Variants in IGFL4 observed in about 807,000 individuals in gnomAD.
IGFL4 encodes insulin growth factor-like family member 4.
In IGFL4, 12 loss-of-function variants were observed where a neutral mutation model predicts 15.4. The observed-to-expected ratio is 0.78, with a 90% CI of 0.50 to 1.26. The LOEUF is 1.26. Ranked by LOEUF, IGFL4 falls within the 50% of genes most tolerant of loss-of-function variation. IGFL4 has a pLI of 0.00. For missense variants in IGFL4, 126 were observed against 147.8 expected (o/e 0.85, Z 0.76); for synonymous variants, 54 against 55.9 (o/e 0.97, Z 0.16).
chr19:46,051,817 A>G (rs2146516365), intron 2 of IGFL4, among the ~76,000 whole-genome samples: 1 of 152,274 alleles, frequency 6.6e-6, no homozygotes, highest in East Asian at 1.9e-4. Context: ...TGGACACCAA[A>G]AGGGAGCAGG....
intron 1 of IGFL4, among the ~76,000 whole-genome samples, chr19:46,073,531 T>G (rs2146531289): frequency 6.6e-6 from 1 of 152,250 alleles, no homozygotes; most frequent in South Asian, 2.1e-4. Context: ...AGGCCCTCTG[T>G]GTGATGGATG....
At chr19:46,043,569 A>G (rs1250823962), upstream of IGFL4, among the ~76,000 whole-genome samples, 2 of 152,242 alleles carry the variant, frequency 1.3e-5, no homozygotes, top group Non-Finnish European at 2.9e-5. Flanking sequence ...TAATGAAGAC[A>G]GTATAGTATT....
At chr19:46,047,886 G>T (rs549744068) in intron 2 of IGFL4, among the ~76,000 whole-genome samples, 2 of 152,306 alleles carry the variant, frequency 1.3e-5, no homozygotes, top group Admixed American at 1.3e-4. Context: ...CCAAAAAATT[G>T]AAAGTGAGGG....
At chr19:46,065,923 G>C (rs543315067) in intron 1 of IGFL4, among the ~76,000 whole-genome samples, 79 of 152,202 alleles carry the variant, frequency 5.2e-4, no homozygotes, top group Non-Finnish European at 1.0e-3. Flanking sequence ...AAAATCCTGG[G>C]AGCAGGCAGA....
chr19:46,041,156 C>T (rs1969239501), upstream of IGFL4: 1 of 571,392 alleles, frequency 1.8e-6, no homozygotes, highest in Non-Finnish European at 3.0e-6. Context: ...TGAGATGCTT[C>T]TGGACCTGTT....
chr19:46,043,767 C>G (rs926871269), upstream of IGFL4, among the ~76,000 whole-genome samples: 1 of 152,006 alleles, frequency 6.6e-6, no homozygotes, highest in Non-Finnish European at 1.5e-5. Context: ...CCAAAGCTTA[C>G]ACTTCCTACA....
intron 2 of IGFL4, among the ~76,000 whole-genome samples, chr19:46,047,054 C>G (rs1969303562): frequency 6.6e-6 from 1 of 152,220 alleles, no homozygotes; most frequent in African/African-American, 2.4e-5. Flanking sequence ...CAAACAGTCT[C>G]TCAGACCACA....
chr19:46,060,872 A>G (rs186574502), intron 1 of IGFL4, among the ~76,000 whole-genome samples: 41 of 152,322 alleles, frequency 2.7e-4, no homozygotes, highest in Admixed American at 1.0e-3. Flanking sequence ...TTAATGTTAA[A>G]CCTAATTCTT....
intron 1 of IGFL4, among the ~76,000 whole-genome samples, chr19:46,068,108 G>T (rs1969512103): frequency 1.3e-5 from 2 of 152,220 alleles, no homozygotes; most frequent in African/African-American, 4.8e-5. Flanking sequence ...CAATAACTGG[G>T]TCCTCCCAAG....
In IGFL4 at chr19:46,040,906, T is replaced by C. The variant is rs915678842; in HGVS notation, c.19+38A>G. The C allele has an allele frequency of 6.4e-7, 1 of 1,559,014 alleles. No homozygotes were observed. Among genetic ancestry groups the C allele is most frequent in the Non-Finnish European group, 8.7e-7 (1 of 1,143,790 alleles). ...AGAAATAATTAGGGATGTGATATCA[T>C]TAGGGATTAGCTTAGCCTAGGGCTG... On this transcript the variant is annotated intron_variant, in intron 1 of 3. Coordinates refer to ENST00000377697, the MANE Select transcript of IGFL4 (RefSeq NM_001002923.3). The surrounding 1 kb of genome is among the most constrained non-coding windows in gnomAD (Gnocchi z 4.1).
Position 46,077,038 on chromosome 19 carries a change from G to A in IGFL4, c.-450C>T, listed in dbSNP as rs1303176973. The A allele has an allele frequency of 1.3e-5, 2 of 152,236 alleles. No individual in the cohort carries two copies. Among genetic ancestry groups the A allele is most frequent in the Non-Finnish European group, 2.9e-5 (2 of 68,046 alleles). 9.4% of individuals were successfully genotyped at this position (152,236 alleles called of 1,614,324 possible). ...CTCTCACCTGAGCATCCCTCGATGA[G>A]GGCTGTTGCGTCTTGATTTCATCTG... On this transcript the variant is annotated 5_prime_UTR_variant, in exon 1 of 6. Transcript: ENST00000601672. The surrounding 1 kb of genome is among the most constrained non-coding windows in gnomAD (Gnocchi z 5.4).
At chr19:46,046,489 T>C (rs1023014369) in intron 2 of IGFL4, among the ~76,000 whole-genome samples, 1 of 152,200 alleles carries the variant, frequency 6.6e-6, no homozygotes. Context: ...CCAAGACCCA[T>C]TGATATACTG....
rs1440833680 is a variant in IGFL4 at position 46,040,028 on chromosome 19, T to G, written c.331-92A>C. 2 of 1,500,758 alleles carry G rather than the reference T, an allele frequency of 1.3e-6. No individual in the cohort carries two copies. The highest frequency in any genetic ancestry group is 4.5e-5 in the East Asian group (2 of 44,256). 93.0% of individuals were successfully genotyped at this position (1,500,758 alleles called of 1,614,324 possible). A position where few individuals can be genotyped will look rare whatever the true frequency, so the allele number is the denominator to read the frequency against. On this transcript the variant is annotated intron_variant, in intron 3 of 3. Transcript: ENST00000377697. This position sits in a 1 kb window ranked among gnomAD's most constrained non-coding sequence, Gnocchi z 4.1. ...AACAGAGACATGGAGAAAGACAGAG[T>G]TGCATGGTTACTGAGAGATGGGAAG...
intron 1 of IGFL4, among the ~76,000 whole-genome samples, chr19:46,069,598 C>T (rs980137525): frequency 6.6e-6 from 1 of 152,150 alleles, no homozygotes; most frequent in African/African-American, 2.4e-5. Context: ...CCTTGAAGCC[C>T]TAAAAGCCCA....
chr19:46,055,222 A>G (rs1411503844), intron 2 of IGFL4, among the ~76,000 whole-genome samples: 3 of 152,114 alleles, frequency 2.0e-5, no homozygotes, highest in Admixed American at 2.0e-4. Flanking sequence ...ATAACAGCAG[A>G]TTTGTTCTCA....
At position 46,040,260 on chromosome 19, in the gene IGFL4, C is replaced by T; in HGVS notation, c.227G>A (p.Cys76Tyr). 6.2e-7 allele frequency: 1 copy of T among 1,614,198 alleles called. No homozygotes were observed. Among genetic ancestry groups the T allele is most frequent in the South Asian group, 1.1e-5 (1 of 91,090 alleles). Residue 76 changes from cysteine (C) to tyrosine (Y), a missense_variant, in exon 3 of 4, where the codon TGC (cysteine) becomes TAC (tyrosine). By Grantham distance (194) the Cys-to-Tyr change is radical (BLOSUM62 -2). Coordinates refer to ENST00000377697, the MANE Select transcript of IGFL4 (RefSeq NM_001002923.3). The surrounding 1 kb of genome is among the most constrained non-coding windows in gnomAD (Gnocchi z 4.1). The stretch of plus-strand genomic sequence containing the variant: ...GTTCTGAGAGCCCAAAGACTCCAGG[C>T]AGCAGTGCTGGAAGCAGGGCCAGAA... ...CTFWPCFQHC[C>Y]LESLGSQNQT...
chr19:46,043,952 C>T (rs117311569), upstream of IGFL4, among the ~76,000 whole-genome samples: 923 of 152,232 alleles, frequency 6.1e-3, 6 homozygotes, highest in Non-Finnish European at 8.0e-3. Flanking sequence ...TGTGGTCCAC[C>T]GCACTCACAG....
rs564607783 is a variant in IGFL4, at chr19:46,046,274, G to A, written c.-322-5164C>T. On this transcript the variant is annotated intron_variant, in intron 2 of 5. Coordinates refer to the IGFL4 transcript ENST00000601672. ...CTGAAGGAAGCAATAAATATGGAAA[G>A]GGAAAACCTTTACCAGCCACTACAA... Among the ~76,000 whole-genome samples, 62 of 152,236 alleles carry A rather than the reference G, an allele frequency of 4.1e-4. 2 individuals carry two copies. In the South Asian group the frequency reaches 8.7e-3, roughly 21 times the overall value.
At chr19:46,041,270 G>A (rs1012208154), upstream of IGFL4, among the ~76,000 whole-genome samples, 18 of 152,072 alleles carry the variant, frequency 1.2e-4, no homozygotes, top group Non-Finnish European at 1.6e-4. Flanking sequence ...TTTGAACACC[G>A]CCCAAGGGAA....
Sources: allele counts gnomAD v4.1 joint callset (sites outside exome capture counted in the v4.1 genomes callset), GRCh38; gene constraint gnomAD v4.1.1; non-coding constraint Gnocchi (gnomAD v3.1); transcripts MANE v1.5; gene names NCBI Gene and HGNC (gene_info 2026-07-23, HGNC 2026-07-21).